Variants in BSN observed in about 807,000 individuals in gnomAD.
BSN encodes bassoon presynaptic cytomatrix protein.
BSN carries 57 observed loss-of-function variants against 264.8 expected under a neutral mutation model. The observed-to-expected ratio is 0.22, with a 90% confidence interval of 0.17 to 0.27. BSN has a LOEUF of 0.27. BSN is among the 10% of genes least tolerant of loss of function. The pLI, the probability that BSN is intolerant of heterozygous loss-of-function variation, is 1.00. For synonymous variants in BSN, 2,059 were observed against 2,137.3 expected (o/e 0.96, Z 1.01); for missense variants, 4,615 against 5,232.5 (o/e 0.88, Z 3.64).
chr3:49,654,077 G>C lies in BSN; in HGVS notation c.4521G>C (p.Gln1507His). 2 of 1,613,874 alleles carry C rather than the reference G, an allele frequency of 1.2e-6. No individual in the cohort carries two copies. Among genetic ancestry groups the C allele is most frequent in the African/African-American group, 1.3e-5 (1 of 74,998 alleles). Residue 1507 changes from glutamine (Q) to histidine (H), a missense_variant, in exon 5 of 12, where the codon CAG becomes CAC. Gln to His is a conservative substitution (Grantham distance 24). Coordinates refer to ENST00000296452, the MANE Select transcript of BSN (RefSeq NM_003458.4). The surrounding 1 kb of genome is among the most constrained non-coding windows in gnomAD (Gnocchi z 4.1). ...GPRATAEFST[Q>H]TPSPAPASDM... is the part of the protein sequence containing the mutation. Reference sequence around the variant, plus strand: ...GGGCCACAGCAGAGTTCTCTACACAGACGCCAAGTCCAGCCCCTGCCTCAG... The same window carrying C: ...GGGCCACAGCAGAGTTCTCTACACACACGCCAAGTCCAGCCCCTGCCTCAG...
At chr3:49,577,783 AC>A (rs999660546) in intron 1 of BSN, among the ~76,000 whole-genome samples, 1 of 150,938 alleles carries the variant, frequency 6.6e-6, no homozygotes, top group Non-Finnish European at 1.5e-5. Context: ...CAAGTAATCC[AC>A]CCGCCTCGGC....
At chr3:49,643,284 C>T in intron 3 of BSN, 132 bp downstream of exon 3, 1 of 1,415,618 alleles carries the variant, frequency 7.1e-7, no homozygotes, top group Non-Finnish European at 9.3e-7. Context: ...ACTAATGCTG[C>T]AGAGGGGCTG....
chr3:49,661,331 G>A lies in BSN; in HGVS notation c.9486G>A (p.Glu3162=). 1 of 1,613,960 alleles carries A rather than the reference G, an allele frequency of 6.2e-7. No homozygotes were observed. The highest frequency in any genetic ancestry group is 2.2e-5 in the East Asian group (1 of 44,890). The part of the protein sequence containing the change: ...DLEQKVPTNY[E]VIASPVVPMS... ...AGCAGAAGGTGCCCACCAACTATGA[G>A]GTGATCGCCAGCCCCGTTGTGCCCA... Residue 3162 remains glutamate, a synonymous_variant, in exon 6 of 12, where the codon GAG becomes GAA. Transcript: ENST00000296452.
At chr3:49,555,708 A>C (rs991815101) in intron 1 of BSN, among the ~76,000 whole-genome samples, 1 of 152,238 alleles carries the variant, frequency 6.6e-6, no homozygotes, top group African/African-American at 2.4e-5. Flanking sequence ...AAACTCAGGA[A>C]AACTACTAAG....
chr3:49,654,234 A>G lies in BSN; in HGVS notation c.4678A>G (p.Thr1560Ala). The G allele has an allele frequency of 6.2e-7, 1 of 1,613,470 alleles. No homozygotes were observed. Reference protein sequence around the residue: ...SSQEAPFMVITLASDASSQTR... With the variant: ...SSQEAPFMVIALASDASSQTR... Reference sequence around the variant, plus strand: ...TCAAGAGGCTCCCTTTATGGTCATCACGCTGGCATCTGACGCCTCCAGCCA... The same window carrying G: ...TCAAGAGGCTCCCTTTATGGTCATCGCGCTGGCATCTGACGCCTCCAGCCA... Residue 1560 changes from threonine to alanine, a missense_variant, in exon 5 of 12, where the codon ACG (threonine) becomes GCG (alanine). By Grantham distance (58) the Thr-to-Ala change is moderately conservative (BLOSUM62 0). Around this residue, in one of 3 missense-constraint regions of BSN, gnomAD observed 3,415 missense variants for 3,866.4 expected, o/e 0.88. Coordinates refer to ENST00000296452, the MANE Select transcript of BSN (RefSeq NM_003458.4). The surrounding 1 kb of genome is among the most constrained non-coding windows in gnomAD (Gnocchi z 4.1).
chr3:49,557,092 C>A (rs2051678642), intron 1 of BSN, among the ~76,000 whole-genome samples: 3 of 152,204 alleles, frequency 2.0e-5, no homozygotes, highest in South Asian at 2.1e-4. Context: ...TGACTTGAAT[C>A]CCATGAGTAG....
intron 1 of BSN, among the ~76,000 whole-genome samples, chr3:49,616,467 C>T (rs1348494546): frequency 6.6e-6 from 1 of 152,240 alleles, no homozygotes; most frequent in East Asian, 1.9e-4. Flanking sequence ...CTGTGGGGCT[C>T]TTCTGGCCAC....
chr3:49,562,281 G>A (rs2051717314), intron 1 of BSN, among the ~76,000 whole-genome samples: 1 of 152,168 alleles, frequency 6.6e-6, no homozygotes, highest in African/African-American at 2.4e-5. Context: ...TTTTATCCAT[G>A]TATTCAGGAA....
rs74534998 is a variant in BSN at position 49,646,705 on chromosome 3, G to T, written c.1518+3553G>T. On this transcript the variant is annotated intron_variant, in intron 3 of 11. Coordinates refer to ENST00000296452, the MANE Select transcript of BSN (RefSeq NM_003458.4). ...TGTGAGAAAGGAAGCGTCCCCATGA[G>T]CCCCTATCTGGGTGTGGATGGACCC... is the stretch of plus-strand genomic sequence containing the variant. Among the ~76,000 whole-genome samples, 30 of 152,340 alleles carry T rather than the reference G, an allele frequency of 2.0e-4. No homozygotes were observed. In the East Asian group the frequency reaches 3.9e-3, roughly 20 times the overall value.
chr3:49,615,658 T>A (rs990626998), intron 1 of BSN, among the ~76,000 whole-genome samples: 4 of 152,226 alleles, frequency 2.6e-5, no homozygotes, highest in Admixed American at 6.5e-5. Flanking sequence ...GCTCTTTCTG[T>A]GGCTGTGGCT....
Position 49,654,726 on chromosome 3 carries a change from A to T in BSN, c.5170A>T (p.Thr1724Ser). 6.2e-7 allele frequency: 1 copy of T among 1,613,356 alleles called. No homozygotes were observed. The highest frequency in any genetic ancestry group is 8.5e-7 in the Non-Finnish European group (1 of 1,179,928). ...TATCAACCTCAATGCCCAGGAGCAT[A>T]CCTTCCTTGCTACTGCCACCACCGT... ...LVINLNAQEH[T>S]FLATATTVSI... The change falls in exon 5 of 12, where the codon ACC becomes TCC. Residue 1724 changes from threonine (T) to serine (S), a missense_variant. Transcript: ENST00000296452. The surrounding 1 kb of genome is among the most constrained non-coding windows in gnomAD (Gnocchi z 4.1).
Position 49,565,907 on chromosome 3 carries a change from C to T in BSN, c.224+11081C>T, listed in dbSNP as rs531651751. Among the ~76,000 whole-genome samples, 5 of 152,294 alleles carry T rather than the reference C, an allele frequency of 3.3e-5. No homozygotes were observed. The East Asian group carries it at 9.7e-4, about 29-fold the overall frequency. ...CGCCATCTTGACTCACTGTAACCTC[C>T]ACCTCACGGGTTCAAGCAATTCTCC... On this transcript the variant is annotated intron_variant, in intron 1 of 11. Transcript: ENST00000296452.
At chr3:49,600,290 G>A (rs923925004) in intron 1 of BSN, among the ~76,000 whole-genome samples, 2 of 152,128 alleles carry the variant, frequency 1.3e-5, no homozygotes, top group Admixed American at 6.6e-5. Flanking sequence ...TAGGGAATGG[G>A]GGTCCAGGTG....
chr3:49,672,905 G>A (rs1031764742), downstream of BSN, among the ~76,000 whole-genome samples: 4 of 149,860 alleles, frequency 2.7e-5, no homozygotes, highest in East Asian at 2.0e-4. Context: ...TCAGCCTCCC[G>A]AGTAACTGGG....
At chr3:49,648,991 C>T (rs938776881) in intron 3 of BSN, among the ~76,000 whole-genome samples, 1 of 152,212 alleles carries the variant, frequency 6.6e-6, no homozygotes, top group Non-Finnish European at 1.5e-5. Flanking sequence ...GCAGGCCTGT[C>T]CCTCAACACA....
rs766391409 is a variant in BSN, at chr3:49,662,858, T to C, written c.10718-18T>C. The C allele has an allele frequency of 1.3e-6, 2 of 1,539,176 alleles. No homozygotes were observed. The highest frequency in any genetic ancestry group is 1.7e-6 in the Non-Finnish European group (2 of 1,144,024). On this transcript the variant is annotated intron_variant, in intron 6 of 11. Coordinates refer to ENST00000296452, the MANE Select transcript of BSN (RefSeq NM_003458.4). ...GCTAGCCCGGGGGTTGATGGTATTC[T>C]GTTTTTGGTCTCTGAAGCGTATCAC...
At chr3:49,589,096 T>TTTTTTTTTTTTTTTTTTGTAGAGACGGG (rs2051958015) in intron 1 of BSN, among the ~76,000 whole-genome samples, 1 of 145,920 alleles carries the variant, frequency 6.9e-6, no homozygotes, top group African/African-American at 2.5e-5. Flanking sequence ...TTTTTTTTTT[T>TTTTTTTTTTTTTTTTTTGTAGAGACGGG]GTATTTTTTA....
intron 11 of BSN, among the ~76,000 whole-genome samples, chr3:49,665,995 G>C (rs558148113): frequency 6.6e-6 from 1 of 152,384 alleles, no homozygotes; most frequent in South Asian, 2.1e-4. Context: ...CCTGGCCTTG[G>C]CCCTGCCTCT....
rs548047857 is a variant in BSN at position 49,637,308 on chromosome 3, G to C, written c.634-4960G>C. 3.7e-3 allele frequency among the ~76,000 whole-genome samples: 561 copies of C among 152,284 alleles called. 1 individual carries two copies. Among genetic ancestry groups the C allele is most frequent in the Non-Finnish European group, 6.5e-3 (440 of 68,022 alleles). ...CTTCGGGGGGCTCTCAGAGCTTCCTGACAGCCATGGAGGTGACCGTGAGGT... is the reference window on the plus strand; with the variant it reads ...CTTCGGGGGGCTCTCAGAGCTTCCTCACAGCCATGGAGGTGACCGTGAGGT... On this transcript the variant is annotated intron_variant, in intron 2 of 11. Transcript: ENST00000296452.
Sources: gnomAD v4.1 joint callset for allele counts (sites outside exome capture counted in the v4.1 genomes callset) on GRCh38, gnomAD v4.1.1 for gene constraint, gnomAD v4.1.1 regional missense constraint, Gnocchi (gnomAD v3.1) non-coding constraint, MANE v1.5 for transcripts, NCBI Gene and HGNC (gene_info 2026-07-23, HGNC 2026-07-21) for gene names.